TEX12: variants seen among roughly 807,000 people sequenced by gnomAD.
TEX12 encodes testis-expressed protein 12.
In TEX12, 7 loss-of-function variants were observed where a neutral mutation model predicts 14.6. The ratio of observed to expected loss-of-function variants is 0.48; its 90% CI spans 0.27 to 0.90. The LOEUF (loss-of-function observed/expected upper bound fraction) is 0.90. TEX12 is among the 40% of genes least tolerant of loss of function. The pLI is 0.12. For synonymous variants in TEX12, 57 were observed against 49.1 expected (o/e 1.16, Z -0.67); for missense variants, 121 against 135.7 (o/e 0.89, Z 0.54).
At chr11:112,169,145 G>A in intron 1 of TEX12, 108 bp from the exon 2 acceptor site, 1 of 729,976 alleles carries the variant, frequency 1.4e-6, no homozygotes. Flanking sequence ...GACAGATAAT[G>A]ACAGTCTAAA....
chr11:112,171,221 T>C (rs987857286), intron 4 of TEX12, among the ~76,000 whole-genome samples: 3 of 152,088 alleles, frequency 2.0e-5, no homozygotes, highest in African/African-American at 7.2e-5. Context: ...ATTGGTCTTA[T>C]AAGTAATCAA....
chr11:112,169,380 C>G, intron 2 of TEX12, 49 bp downstream of exon 2: 1 of 1,420,366 alleles, frequency 7.0e-7, no homozygotes, highest in Non-Finnish European at 9.9e-7. Context: ...GTTTTACATA[C>G]TACTCAAATT....
intron 4 of TEX12, among the ~76,000 whole-genome samples, chr11:112,171,428 A>G (rs1866788932): frequency 6.6e-6 from 1 of 152,074 alleles, no homozygotes; most frequent in Non-Finnish European, 1.5e-5. Context: ...AAATTTAAAT[A>G]CTTTATTAGC....
chr11:112,169,149 G>A (rs1866761431), intron 1 of TEX12, 104 bp from the exon 2 acceptor site: 2 of 752,512 alleles, frequency 2.7e-6, no homozygotes, highest in African/African-American at 1.7e-5. Context: ...GATAATGACA[G>A]TCTAAATTAA....
chr11:112,169,668 G>A (rs552728829), intron 2 of TEX12, among the ~76,000 whole-genome samples: 1 of 152,248 alleles, frequency 6.6e-6, no homozygotes, highest in African/African-American at 2.4e-5. Context: ...TTTTTAAAGA[G>A]CACAGTATCC....
chr11:112,169,118 A>G (rs1467748625), intron 1 of TEX12, 135 bp from the exon 2 acceptor site: 2 of 667,082 alleles, frequency 3.0e-6, no homozygotes, highest in Non-Finnish European at 5.4e-6. Flanking sequence ...GGAGGGAGAA[A>G]TTGAGTTTAG....
rs1396833935 is a variant in TEX12 at position 112,171,978 on chromosome 11, T to C, written c.*62T>C. 2 of 1,265,016 alleles carry C rather than the reference T, an allele frequency of 1.6e-6. No individual in the cohort carries two copies. Among genetic ancestry groups the C allele is most frequent in the Non-Finnish European group, 2.1e-6 (2 of 962,004 alleles). The allele number at this position is 1,265,016 out of a possible 1,614,324, so 78.4% of individuals were successfully genotyped here. On this transcript the variant is annotated 3_prime_UTR_variant, in exon 5 of 5. Transcript: ENST00000280358. ...TTATTGTTATAATGAAAGAATGACATTTATGCTTTGAAAGCTCTCGAGTTG... is the reference window on the plus strand; with the variant it reads ...TTATTGTTATAATGAAAGAATGACACTTATGCTTTGAAAGCTCTCGAGTTG...
Position 112,168,608 on chromosome 11 carries a change from A to G in TEX12, c.-16-645A>G, listed in dbSNP as rs187405799. Among the ~76,000 whole-genome samples, 698 of 151,908 alleles carry G rather than the reference A, an allele frequency of 4.6e-3. 7 individuals carry two copies. Among genetic ancestry groups the G allele is most frequent in the African/African-American group, 0.016 (652 of 41,428 alleles). On this transcript the variant is annotated intron_variant, in intron 1 of 4. Coordinates refer to ENST00000280358, the MANE Select transcript of TEX12 (RefSeq NM_031275.4). ...GCTCTGTTGCCCAGGCTGGAGTGCAATGGCACAATCTCGGCTCACTGCAAC... is the reference window on the plus strand; with the variant it reads ...GCTCTGTTGCCCAGGCTGGAGTGCAGTGGCACAATCTCGGCTCACTGCAAC...
chr11:112,172,036 G>T lies in TEX12; in HGVS notation c.*120G>T. On this transcript the variant is annotated 3_prime_UTR_variant, in exon 5 of 5. Transcript: ENST00000280358. ...AAATGTATATCTCGAATAGAGAAGGGGAAACTCCTTGAATTTCTAGGTTTA... is the reference window on the plus strand; with the variant it reads ...AAATGTATATCTCGAATAGAGAAGGTGAAACTCCTTGAATTTCTAGGTTTA... 1 of 715,424 alleles carries T rather than the reference G, an allele frequency of 1.4e-6. No individual in the cohort carries two copies. The highest frequency in any genetic ancestry group is 2.0e-6 in the Non-Finnish European group (1 of 495,908). 44.3% of individuals were successfully genotyped at this position (715,424 alleles called of 1,614,324 possible). A position where few individuals can be genotyped will look rare whatever the true frequency, so the allele number is the denominator to read the frequency against.
intron 2 of TEX12, 36 bp from the exon 3 acceptor site, chr11:112,170,383 T>C: frequency 7.3e-6 from 10 of 1,362,582 alleles, no homozygotes; most frequent in Middle Eastern, 1.8e-4. Flanking sequence ...GAAGATCTTA[T>C]TGACTGTACC....
intron 2 of TEX12, among the ~76,000 whole-genome samples, chr11:112,169,918 C>T (rs1285359343): frequency 7.2e-5 from 11 of 152,144 alleles, no homozygotes. Context: ...TGTCTGTAAT[C>T]CTAGTGCTTT....
chr11:112,171,955 A>G lies in TEX12; in HGVS notation c.*39A>G. 1 of 1,348,738 alleles carries G rather than the reference A, an allele frequency of 7.4e-7. No individual in the cohort carries two copies. The highest frequency in any genetic ancestry group is 9.7e-7 in the Non-Finnish European group (1 of 1,028,242). The allele number at this position is 1,348,738 out of a possible 1,614,324, so 83.5% of individuals were successfully genotyped here. On this transcript the variant is annotated 3_prime_UTR_variant, in exon 5 of 5. Transcript: ENST00000280358. ...AATAAGCTGAGAATTTAAACCTATT[A>G]TTGTTATAATGAAAGAATGACATTT... is the stretch of plus-strand genomic sequence containing the variant.
At chr11:112,171,483 A>T (rs1036752008) in intron 4 of TEX12, among the ~76,000 whole-genome samples, 1 of 152,052 alleles carries the variant, frequency 6.6e-6, no homozygotes, top group Non-Finnish European at 1.5e-5. Context: ...CCGGACAGTC[A>T]TTATACTTGG....
rs1415953163 is a variant in TEX12 at position 112,171,950 on chromosome 11, C to G, written c.*34C>G. ...CTTGAAATAAGCTGAGAATTTAAAC[C>G]TATTATTGTTATAATGAAAGAATGA... is the stretch of plus-strand genomic sequence containing the variant. On this transcript the variant is annotated 3_prime_UTR_variant, in exon 5 of 5. Coordinates refer to ENST00000280358, the MANE Select transcript of TEX12 (RefSeq NM_031275.4). 2.9e-6 allele frequency: 4 copies of G among 1,365,904 alleles called. No individual in the cohort carries two copies. The highest frequency in any genetic ancestry group is 3.8e-6 in the Non-Finnish European group (4 of 1,041,030). 84.6% of individuals were successfully genotyped at this position (1,365,904 alleles called of 1,614,324 possible).
chr11:112,171,554 TAAGATAC>T (rs1663178109), intron 4 of TEX12, among the ~76,000 whole-genome samples: 1 of 152,054 alleles, frequency 6.6e-6, no homozygotes, highest in South Asian at 2.1e-4. Flanking sequence ...TTATAATGTA[TAAGATAC>T]ACTTCCTGTT....
rs779411250 is a variant in TEX12 at position 112,171,872 on chromosome 11, C to G, written c.328C>G (p.Leu110Val). The change falls in exon 5 of 5, where the codon CTG (leucine) becomes GTG (valine). Residue 110 changes from leucine to valine, a missense_variant. Coordinates refer to ENST00000280358, the MANE Select transcript of TEX12 (RefSeq NM_031275.4). ...ENFLIQKREF[L>V]RQRFTVIANT... Reference sequence around the variant, plus strand: ...CTTTCTAATACAAAAAAGAGAGTTCCTGCGACAGAGGTTTACAGTGATTGC... The same window carrying G: ...CTTTCTAATACAAAAAAGAGAGTTCGTGCGACAGAGGTTTACAGTGATTGC... The G allele has an allele frequency of 1.3e-6, 2 of 1,595,170 alleles. No homozygotes were observed. The highest frequency in any genetic ancestry group is 1.7e-6 in the Non-Finnish European group (2 of 1,172,170).
intron 1 of TEX12, among the ~76,000 whole-genome samples, chr11:112,168,234 C>T (rs932477566): frequency 6.6e-6 from 1 of 152,204 alleles, no homozygotes; most frequent in Non-Finnish European, 1.5e-5. Context: ...CAATTGATAA[C>T]TTGAATATGG....
chr11:112,169,845 C>CTT (rs1434799765), intron 2 of TEX12, among the ~76,000 whole-genome samples: 1 of 152,150 alleles, frequency 6.6e-6, no homozygotes, highest in East Asian at 1.9e-4. Flanking sequence ...ATACCAGACG[C>CTT]TTTTTCAACA....
Position 112,169,273 on chromosome 11 carries a change from T to C in TEX12, c.5T>C (p.Met2Thr), listed in dbSNP as rs1459710209. 2 of 1,613,434 alleles carry C rather than the reference T, an allele frequency of 1.2e-6. No homozygotes were observed. The highest frequency in any genetic ancestry group is 1.7e-6 in the Non-Finnish European group (2 of 1,179,470). Residue 2 changes from methionine to threonine, a missense_variant, in exon 2 of 5, where the codon ATG becomes ACG. Physicochemically the swap from Met to Thr is moderately conservative, Grantham distance 81. Coordinates refer to ENST00000280358, the MANE Select transcript of TEX12 (RefSeq NM_031275.4). M[M>T]ANHLVKPDNR... ...TGTAGCTGGTGCCTTCGGAATATGA[T>C]GGCAAATCACCTTGTAAAGCCTGAT...
Sources: gnomAD v4.1 joint callset for allele counts (sites outside exome capture counted in the v4.1 genomes callset) on GRCh38, gnomAD v4.1.1 for gene constraint, MANE v1.5 for transcripts, NCBI Gene and HGNC (gene_info 2026-07-23, HGNC 2026-07-21) for gene names.